PNPLA7: variants seen among roughly 807,000 people sequenced by gnomAD.
PNPLA7 encodes the protein patatin like domain 7, lysophospholipase.
In PNPLA7, 153 loss-of-function variants were observed where a neutral mutation model predicts 161.7. That is an observed-to-expected ratio of 0.95 (90% CI 0.83 to 1.08). The LOEUF is 1.08. Ranked by LOEUF, PNPLA7 falls within the 50% of genes least tolerant of loss-of-function variation. PNPLA7 has a pLI of 0.00. For synonymous variants in PNPLA7, 809 were observed against 782.1 expected, an observed-to-expected ratio of 1.03 and a Z score of -0.57; for missense variants, 1,739 against 1,856.6, an observed-to-expected ratio of 0.94 and a Z score of 1.16.
chr9:137,543,547 G>C lies in PNPLA7; in HGVS notation c.391C>G (p.Pro131Ala). The C allele has an allele frequency of 6.2e-7, 1 of 1,613,288 alleles. No individual in the cohort carries two copies. ...GGGGGCTCCTTGGGCTGCAGGGCCG[G>C]GTATTCCTTCTTGAAACGCAGAATC... is the stretch of plus-strand genomic sequence containing the variant. ...KRILRFKKEY[P>A]ALQPKEPPPS... is the part of the protein sequence containing the mutation. Residue 131 changes from proline to alanine, a missense_variant, in exon 6 of 35, where the codon CCG becomes GCG. This residue lies in a region of PNPLA7 where 209 missense variants were observed against 252.8 expected (regional missense o/e 0.83). Transcript: ENST00000406427. The surrounding 1 kb of genome is among the most constrained non-coding windows in gnomAD (Gnocchi z 6.9).
At position 137,495,151 on chromosome 9, in the gene PNPLA7, G is replaced by C; in HGVS notation, c.2014-5C>G. 1 of 1,588,126 alleles carries C rather than the reference G, an allele frequency of 6.3e-7. No homozygotes were observed. The highest frequency in any genetic ancestry group is 8.6e-7 in the Non-Finnish European group (1 of 1,168,218). ...CTGGTGGGTCAGTGTCTCCACCTGA[G>C]GACAGGAGCCGGCTGCTGGGGCCGC... On this transcript the variant is annotated splice_polypyrimidine_tract_variant and splice_region_variant and intron_variant, in intron 18 of 34. Coordinates refer to ENST00000406427, the MANE Select transcript of PNPLA7 (RefSeq NM_001098537.3).
chr9:137,522,735 C>G lies in PNPLA7; in HGVS notation c.870G>C (p.Val290=), dbSNP rs760008895. The change falls in exon 9 of 35, where the codon GTG becomes GTC. Residue 290 remains valine, a synonymous_variant. Transcript: ENST00000406427. Reference sequence around the variant, plus strand: ...GTCTGAAAAAGTGACTCACCTGCACCACCCTCACCAGAGTTTCCGGATATT... The same window carrying G: ...GTCTGAAAAAGTGACTCACCTGCACGACCCTCACCAGAGTTTCCGGATATT... ...FEKYPETLVR[V]VQIIMVRLQR... 4.3e-6 allele frequency: 7 copies of G among 1,612,616 alleles called. No individual in the cohort carries two copies. The Admixed American group carries it at 1.2e-4, about 27-fold the overall frequency.
At chr9:137,469,256 A>C (rs1426111599) in intron 25 of PNPLA7, among the ~76,000 whole-genome samples, 1 of 152,234 alleles carries the variant, frequency 6.6e-6, no homozygotes, top group East Asian at 1.9e-4. Flanking sequence ...ATCATGAAGC[A>C]TCAAGAGGAC....
chr9:137,487,540 A>C (rs1050184671), intron 20 of PNPLA7, among the ~76,000 whole-genome samples: 2 of 152,232 alleles, frequency 1.3e-5, no homozygotes, highest in South Asian at 4.1e-4. Flanking sequence ...GCACCACCTG[A>C]GCAGCTGTAA....
At chr9:137,489,932 G>T (rs1832686137) in intron 20 of PNPLA7, among the ~76,000 whole-genome samples, 1 of 152,226 alleles carries the variant, frequency 6.6e-6, no homozygotes, top group Non-Finnish European at 1.5e-5. Context: ...ACGAGTGGAA[G>T]AATCGTTTGA....
Position 137,505,631 on chromosome 9 carries a change from T to A in PNPLA7, c.1456A>T (p.Thr486Ser), listed in dbSNP as rs780261862. The change falls in exon 14 of 35, where the codon ACC becomes TCC. Residue 486 changes from threonine to serine, a missense_variant. By Grantham distance (58) the Thr-to-Ser change is moderately conservative. Transcript: ENST00000406427. ...IFRAAKKDLLTLMKLEDSSLL... is the reference protein window; with the variant it reads ...IFRAAKKDLLSLMKLEDSSLL... Reference sequence around the variant, plus strand: ...CCACTCACTTCCAGCTTCATCAGGGTGAGCAGGTCCTTCTTGGCAGCTCTG... The same window carrying A: ...CCACTCACTTCCAGCTTCATCAGGGAGAGCAGGTCCTTCTTGGCAGCTCTG... 3.1e-6 allele frequency: 5 copies of A among 1,614,018 alleles called. No individual in the cohort carries two copies. The Admixed American group carries it at 8.3e-5, about 27-fold the overall frequency.
chr9:137,546,374 C>T (rs192339217), intron 4 of PNPLA7, among the ~76,000 whole-genome samples: 13 of 152,032 alleles, frequency 8.6e-5, no homozygotes, highest in Admixed American at 4.6e-4. Flanking sequence ...CTGGTCTCCG[C>T]GTCTTGGTGG....
chr9:137,462,856 T>C (rs1282854466), intron 29 of PNPLA7, 23 bp from the exon 30 acceptor site: 1 of 1,612,684 alleles, frequency 6.2e-7, no homozygotes, highest in Non-Finnish European at 8.5e-7. Context: ...CAGCCCTGGT[T>C]ACCCCCTGGA....
chr9:137,515,195 A>G (rs1316283349), intron 12 of PNPLA7, among the ~76,000 whole-genome samples, 184 bp downstream of exon 12: 2 of 152,124 alleles, frequency 1.3e-5, no homozygotes, highest in African/African-American at 4.8e-5. Flanking sequence ...TCTGGGCGGC[A>G]GGACGGCCAC....
rs1244796399 is a variant in PNPLA7, at chr9:137,543,387, G to A, written c.506+45C>T. Reference sequence around the variant, plus strand: ...GCCAGGCCCCAGCGAGAAGCCCGGGGCTATGGGAGCTGCCGCAGCCCCCGG... The same window carrying A: ...GCCAGGCCCCAGCGAGAAGCCCGGGACTATGGGAGCTGCCGCAGCCCCCGG... On this transcript the variant is annotated intron_variant, in intron 6 of 34. Coordinates refer to ENST00000406427, the MANE Select transcript of PNPLA7 (RefSeq NM_001098537.3). The surrounding 1 kb of genome is among the most constrained non-coding windows in gnomAD (Gnocchi z 6.9). The A allele has an allele frequency of 1.2e-6, 2 of 1,612,760 alleles. No individual in the cohort carries two copies. The highest frequency in any genetic ancestry group is 1.7e-6 in the Non-Finnish European group (2 of 1,179,642).
At chr9:137,505,557 G>C (rs1024355163) in intron 14 of PNPLA7, 57 bp downstream of exon 14, 1 of 1,597,314 alleles carries the variant, frequency 6.3e-7, no homozygotes, top group Non-Finnish European at 8.6e-7. Context: ...CAGAGGCAGA[G>C]AGGAGGCCAC....
At chr9:137,461,318 A>T in intron 33 of PNPLA7, 1 of 513,658 alleles carries the variant, frequency 1.9e-6, no homozygotes, top group East Asian at 3.1e-5. Flanking sequence ...AATGAAGGGC[A>T]GGGGCTGGGT....
intron 30 of PNPLA7, 149 bp downstream of exon 30, chr9:137,462,536 A>C: frequency 7.2e-7 from 1 of 1,397,906 alleles, no homozygotes; most frequent in Non-Finnish European, 9.5e-7. Flanking sequence ...CCTTCGCCCG[A>C]GTTGGGCTCA....
At chr9:137,542,621 C>G in intron 7 of PNPLA7, 21 bp downstream of exon 7, 1 of 1,560,516 alleles carries the variant, frequency 6.4e-7, no homozygotes, top group South Asian at 1.1e-5. Context: ...CCTGACCCCG[C>G]CCCGCCGCCC....
rs143828729 is a variant in PNPLA7 at position 137,460,635 on chromosome 9, A to T, written c.3944T>A (p.Leu1315Ter). 2.5e-6 allele frequency: 4 copies of T among 1,611,824 alleles called. No individual in the cohort carries two copies. Among genetic ancestry groups the T allele is most frequent in the Admixed American group, 1.7e-5 (1 of 59,960 alleles). The change falls in exon 34 of 35, where the codon TTG becomes TAG. Residue 1315 changes from leucine (L) to a stop codon, truncating the protein, a stop_gained and splice_region_variant. Transcript: ENST00000406427. LOFTEE classifies it low-confidence loss of function (END_TRUNC). ...GTGGGACCATGCCCAGCTCCTCACC[A>T]AGTCTGAGCCCTGCTGGGCTGAGGT... ...QSTSAQQGSDLEDESSLRHRH... is the reference protein window; with the variant it reads ...QSTSAQQGSD
Position 137,484,636 on chromosome 9 carries a change from C to G in PNPLA7, c.2298G>C (p.Val766=). The stretch of plus-strand genomic sequence containing the variant: ...GCTCCAGGGCGAAGGCGGTGAGGGG[C>G]ACTTCCTCTGACACGGGCATCACTG... ...TVAVMPVSEE[V]PLTAFALELE... is the part of the protein sequence containing the mutation. Residue 766 remains valine, a synonymous_variant, in exon 21 of 35, where the codon GTG becomes GTC. Transcript: ENST00000406427. The G allele has an allele frequency of 6.2e-7, 1 of 1,612,550 alleles. No individual in the cohort carries two copies. The highest frequency in any genetic ancestry group is 8.5e-7 in the Non-Finnish European group (1 of 1,179,380).
intron 20 of PNPLA7, among the ~76,000 whole-genome samples, chr9:137,492,720 C>T (rs1215200027): frequency 7.0e-6 from 1 of 142,684 alleles, no homozygotes; most frequent in Non-Finnish European, 1.5e-5. Flanking sequence ...GTAGGCAGGG[C>T]TCCAGAACAG....
chr9:137,540,461 C>G lies in PNPLA7; in HGVS notation c.747+181G>C, dbSNP rs577537561. Among the ~76,000 whole-genome samples, 1 of 152,384 alleles carries G rather than the reference C, an allele frequency of 6.6e-6. No homozygotes were observed. The highest frequency in any genetic ancestry group is 2.4e-5 in the African/African-American group (1 of 41,588). On this transcript the variant is annotated intron_variant, in intron 8 of 34. Coordinates refer to ENST00000406427, the MANE Select transcript of PNPLA7 (RefSeq NM_001098537.3). The surrounding 1 kb of genome is among the most constrained non-coding windows in gnomAD (Gnocchi z 5.1). ...ACATGCCCGGCTATTCTTCAACGCACTGTGGCCAGAATGAAGCTCCCTCCT... is the reference window on the plus strand; with the variant it reads ...ACATGCCCGGCTATTCTTCAACGCAGTGTGGCCAGAATGAAGCTCCCTCCT...
chr9:137,548,104 C>T (rs778901065), intron 1 of PNPLA7, among the ~76,000 whole-genome samples: 3 of 152,164 alleles, frequency 2.0e-5, no homozygotes, highest in Admixed American at 6.5e-5. Flanking sequence ...AGGCAGCGGC[C>T]GAGAAGGCTC....
Sources: allele counts gnomAD v4.1 joint callset (sites outside exome capture counted in the v4.1 genomes callset), GRCh38; gene constraint gnomAD v4.1.1; regional missense constraint gnomAD v4.1.1; non-coding constraint Gnocchi (gnomAD v3.1); transcripts MANE v1.5; gene names NCBI Gene and HGNC (gene_info 2026-07-23, HGNC 2026-07-21).